KCTD12: variants seen among roughly 807,000 people sequenced by gnomAD.
KCTD12 encodes BTB/POZ domain-containing protein KCTD12.
A neutral mutation model predicts 22.6 loss-of-function variants in KCTD12; 16 were observed. The ratio of observed to expected loss-of-function variants is 0.71; its 90% CI spans 0.48 to 1.07. The LOEUF is 1.07. Among genes scored for constraint, KCTD12 ranks in the 50% least tolerant of loss-of-function variants. The pLI, the probability that KCTD12 is intolerant of heterozygous loss-of-function variation, is 0.00. For missense variants in KCTD12, 452 were observed against 469.2 expected (o/e 0.96, Z 0.34); for synonymous variants, 260 against 228.0 (o/e 1.14, Z -1.26).
At position 76,885,708 on chromosome 13, in the gene KCTD12, G is replaced by A. The variant is rs891246876; in HGVS notation, c.441C>T (p.His147=). The change falls in exon 1 of 1, where the codon CAC becomes CAT. Residue 147 remains histidine (H), a synonymous_variant. Transcript: ENST00000377474. The surrounding 1 kb of genome is among the most constrained non-coding windows in gnomAD (Gnocchi z 5.1). The part of the protein sequence containing the change: ...PGPPPSRRGV[H]KEGSLGDELL... ...GCTCGTCACCCAGCGAGCCCTCCTTGTGCACCCCGCGCCGCGAGGGCGGCG... is the reference window on the plus strand; with the variant it reads ...GCTCGTCACCCAGCGAGCCCTCCTTATGCACCCCGCGCCGCGAGGGCGGCG... 3 of 1,414,402 alleles carry A rather than the reference G, an allele frequency of 2.1e-6. 1 individual carries two copies. Among genetic ancestry groups the A allele is most frequent in the South Asian group, 3.1e-5 (2 of 63,882 alleles). 87.6% of individuals were successfully genotyped at this position (1,414,402 alleles called of 1,614,324 possible).
Position 76,883,144 on chromosome 13 carries a change from T to C in KCTD12, c.*2027A>G, listed in dbSNP as rs1225529788. The C allele has an allele frequency of 3.3e-5, 5 of 152,330 alleles. No homozygotes were observed. The South Asian group carries it at 1.0e-3, about 32-fold the overall frequency. 9.4% of individuals were successfully genotyped at this position (152,330 alleles called of 1,614,324 possible). A position where few individuals can be genotyped will look rare whatever the true frequency, so the allele number is the denominator to read the frequency against. On this transcript the variant is annotated 3_prime_UTR_variant, in exon 1 of 1. Coordinates refer to ENST00000377474, the MANE Select transcript of KCTD12 (RefSeq NM_138444.4). Reference sequence around the variant, plus strand: ...AATATAGGAAATTTTATAGCATTAGTAAATGAATTAAAAAACTAAATGATT... The same window carrying C: ...AATATAGGAAATTTTATAGCATTAGCAAATGAATTAAAAAACTAAATGATT...
In KCTD12 at chr13:76,886,158, G is replaced by C. The variant is rs377739279; in HGVS notation, c.-10C>G. On this transcript the variant is annotated 5_prime_UTR_variant, in exon 1 of 1. Transcript: ENST00000377474. ...TGTCCGCCAGAGCCATGACAGAGAG[G>C]TGGCCGGGCCGGGACAGTGGCAGGA... The C allele has an allele frequency of 2.2e-5, 33 of 1,486,886 alleles. No homozygotes were observed. In the African/African-American group the frequency reaches 2.6e-4, roughly 12 times the overall value. 92.1% of individuals were successfully genotyped at this position (1,486,886 alleles called of 1,614,324 possible).
In KCTD12 at chr13:76,886,072, G is replaced by A; in HGVS notation, c.77C>T (p.Ser26Phe). Reference protein sequence around the residue: ...GGGGSGSSSSSAEPPLFPDIV... With the variant: ...GGGGSGSSSSFAEPPLFPDIV... ...GTCGGGGAAGAGCGGTGGCTCCGCG[G>A]AGGACGACGAGGAGCCACTGCCGCC... The change falls in exon 1 of 1, where the codon TCC becomes TTC. Residue 26 changes from serine to phenylalanine, a missense_variant. Ser to Phe is a radical substitution (Grantham distance 155). This residue lies in a region of KCTD12 where 330 missense variants were observed against 296.5 expected (regional missense o/e 1.11). Transcript: ENST00000377474. 2.6e-6 allele frequency: 4 copies of A among 1,557,008 alleles called. No individual in the cohort carries two copies. Among genetic ancestry groups the A allele is most frequent in the East Asian group, 2.4e-5 (1 of 41,370 alleles).
In KCTD12 at chr13:76,885,061, G is replaced by C; in HGVS notation, c.*110C>G. 8.0e-7 allele frequency: 1 copy of C among 1,250,686 alleles called. No homozygotes were observed. Among genetic ancestry groups the C allele is most frequent in the Non-Finnish European group, 1.1e-6 (1 of 904,610 alleles). The allele number at this position is 1,250,686 out of a possible 1,614,324, so 77.5% of individuals were successfully genotyped here. A position where few individuals can be genotyped will look rare whatever the true frequency, so the allele number is the denominator to read the frequency against. ...TCTCACCCAGCTACTACTGGAGGGG[G>C]AGAATGGGAGGGCAGCAGCCAGGGG... On this transcript the variant is annotated 3_prime_UTR_variant, in exon 1 of 1. Transcript: ENST00000377474. This position sits in a 1 kb window ranked among gnomAD's most constrained non-coding sequence, Gnocchi z 5.1.
rs956975982 is a variant in KCTD12 at position 76,882,978 on chromosome 13, T to G, written c.*2193A>C. 3.3e-5 allele frequency: 5 copies of G among 152,188 alleles called. No homozygotes were observed. The highest frequency in any genetic ancestry group is 6.5e-5 in the Admixed American group (1 of 15,286). 9.4% of individuals were successfully genotyped at this position (152,188 alleles called of 1,614,324 possible). A position where few individuals can be genotyped will look rare whatever the true frequency, so the allele number is the denominator to read the frequency against. ...ATATGATTAGTAATACAACTAATAC[T>G]CAAGAAAAAAAGTATAATACAGCAA... On this transcript the variant is annotated 3_prime_UTR_variant, in exon 1 of 1. Coordinates refer to ENST00000377474, the MANE Select transcript of KCTD12 (RefSeq NM_138444.4).
Position 76,885,093 on chromosome 13 carries a change from G to C in KCTD12, c.*78C>G, listed in dbSNP as rs1188140093. The C allele has an allele frequency of 6.6e-7, 1 of 1,509,708 alleles. No homozygotes were observed. Among genetic ancestry groups the C allele is most frequent in the East Asian group, 2.3e-5 (1 of 43,936 alleles). The allele number at this position is 1,509,708 out of a possible 1,614,324, so 93.5% of individuals were successfully genotyped here. ...GGAGGGCAGCAGCCAGGGGACAAAG[G>C]TGGGACAAGAGGCTCTGTAATCATC... On this transcript the variant is annotated 3_prime_UTR_variant, in exon 1 of 1. Transcript: ENST00000377474. The surrounding 1 kb of genome is among the most constrained non-coding windows in gnomAD (Gnocchi z 5.1).
At position 76,886,107 on chromosome 13, in the gene KCTD12, G is replaced by A. The variant is rs1023414276; in HGVS notation, c.42C>T (p.Gly14=). 2.1e-5 allele frequency: 32 copies of A among 1,540,210 alleles called. No individual in the cohort carries two copies. Among genetic ancestry groups the A allele is most frequent in the Non-Finnish European group, 2.5e-5 (29 of 1,143,908 alleles). ...ADSTRGLPNG[G]GGGGGSGSSS... Reference sequence around the variant, plus strand: ...AGGAGCCACTGCCGCCCCCGCCGCCGCCCCCGTTGGGTAATCCACGTGTGC... The same window carrying A: ...AGGAGCCACTGCCGCCCCCGCCGCCACCCCCGTTGGGTAATCCACGTGTGC... Residue 14 remains glycine (G), a synonymous_variant, in exon 1 of 1, where the codon GGC becomes GGT. Coordinates refer to ENST00000377474, the MANE Select transcript of KCTD12 (RefSeq NM_138444.4).
chr13:76,881,051 T>C lies in KCTD12; in HGVS notation c.*4120A>G, dbSNP rs924565646. ...CTTCAACATAACTTGTTTCTGGCTA[T>C]ACAAAGACCTATTTCAGGTGCTACA... On this transcript the variant is annotated 3_prime_UTR_variant, in exon 1 of 1. Coordinates refer to ENST00000377474, the MANE Select transcript of KCTD12 (RefSeq NM_138444.4). The C allele has an allele frequency of 2.0e-5, 3 of 152,192 alleles. No individual in the cohort carries two copies. The highest frequency in any genetic ancestry group is 2.1e-4 in the South Asian group (1 of 4,828). 9.4% of individuals were successfully genotyped at this position (152,192 alleles called of 1,614,324 possible).
Position 76,885,974 on chromosome 13 carries a change from G to A in KCTD12, c.175C>T (p.Leu59=), listed in dbSNP as rs749431602. The A allele has an allele frequency of 1.3e-6, 2 of 1,589,006 alleles. No individual in the cohort carries two copies. The highest frequency in any genetic ancestry group is 1.7e-6 in the Non-Finnish European group (2 of 1,174,606). Residue 59 remains leucine, a synonymous_variant, in exon 1 of 1, where the codon CTG becomes TTG. Coordinates refer to ENST00000377474, the MANE Select transcript of KCTD12 (RefSeq NM_138444.4). The surrounding 1 kb of genome is among the most constrained non-coding windows in gnomAD (Gnocchi z 5.1). ...RCTVVSVPDS[L]LWRMFTQQQP... ...TGCTGCGTGAACATGCGCCAGAGCA[G>A]CGAGTCGGGCACCGACACCACCGTG...
rs960238563 is a variant in KCTD12, at chr13:76,880,241, T to C, written c.*4930A>G. The C allele has an allele frequency of 6.6e-6, 1 of 152,662 alleles. No individual in the cohort carries two copies. Among genetic ancestry groups the C allele is most frequent in the African/African-American group, 2.4e-5 (1 of 41,454 alleles). The allele number at this position is 152,662 out of a possible 1,614,324, so 9.5% of individuals were successfully genotyped here. A position where few individuals can be genotyped will look rare whatever the true frequency, so the allele number is the denominator to read the frequency against. On this transcript the variant is annotated 3_prime_UTR_variant, in exon 1 of 1. Coordinates refer to ENST00000377474, the MANE Select transcript of KCTD12 (RefSeq NM_138444.4). ...ACATAACAAGTCACATAATCAATGA[T>C]TCATTACTTCACACACAGGAAGGAA...
rs2033225749 is a variant in KCTD12 at position 76,883,425 on chromosome 13, A to C, written c.*1746T>G. On this transcript the variant is annotated 3_prime_UTR_variant, in exon 1 of 1. Transcript: ENST00000377474. Reference sequence around the variant, plus strand: ...TCACAGAATATCCAAAGGACACCTCACAGCATGGAGCATGACGAGGTTTAT... The same window carrying C: ...TCACAGAATATCCAAAGGACACCTCCCAGCATGGAGCATGACGAGGTTTAT... 1 of 152,684 alleles carries C rather than the reference A, an allele frequency of 6.5e-6. No homozygotes were observed. The highest frequency in any genetic ancestry group is 6.5e-5 in the Admixed American group (1 of 15,284). 9.5% of individuals were successfully genotyped at this position (152,684 alleles called of 1,614,324 possible).
chr13:76,885,402 A>C lies in KCTD12; in HGVS notation c.747T>G (p.Phe249Leu). ...CCCGGCTTTCGTTCAGGGTGTCCCCAAACACCTCCTTGGCCAGCGACGTCT... is the reference window on the plus strand; with the variant it reads ...CCCGGCTTTCGTTCAGGGTGTCCCCCAACACCTCCTTGGCCAGCGACGTCT... ...CGKTSLAKEV[F>L]GDTLNESRDP... Residue 249 changes from phenylalanine to leucine, a missense_variant, in exon 1 of 1, where the codon TTT (phenylalanine) becomes TTG (leucine). By Grantham distance (22) the Phe-to-Leu change is conservative. Coordinates refer to ENST00000377474, the MANE Select transcript of KCTD12 (RefSeq NM_138444.4). This position sits in a 1 kb window ranked among gnomAD's most constrained non-coding sequence, Gnocchi z 5.1. 6.2e-7 allele frequency: 1 copy of C among 1,613,760 alleles called. No homozygotes were observed. The highest frequency in any genetic ancestry group is 2.2e-5 in the East Asian group (1 of 44,876).
rs1057500513 is a variant in KCTD12 at position 76,886,340 on chromosome 13, C to A, written c.-192G>T. 22 of 462,562 alleles carry A rather than the reference C, an allele frequency of 4.8e-5. No individual in the cohort carries two copies. The highest frequency in any genetic ancestry group is 6.8e-5 in the Non-Finnish European group (21 of 310,780). The allele number at this position is 462,562 out of a possible 1,614,324, so 28.7% of individuals were successfully genotyped here. A position where few individuals can be genotyped will look rare whatever the true frequency, so the allele number is the denominator to read the frequency against. On this transcript the variant is annotated 5_prime_UTR_variant, in exon 1 of 1. Transcript: ENST00000377474. ...CGCGCGGAGCCGAGCGGTGCGAGCG[C>A]GCCGCTGTGCGCCCCCTTGAGTTCC... is the stretch of plus-strand genomic sequence containing the variant.
rs75404088 is a variant in KCTD12 at position 76,883,873 on chromosome 13, C to G, written c.*1298G>C. 1,170 of 152,586 alleles carry G rather than the reference C, an allele frequency of 7.7e-3. 90 individuals are homozygous for G. In the East Asian group the frequency reaches 0.16, roughly 21 times the overall value. The allele number at this position is 152,586 out of a possible 1,614,324, so 9.5% of individuals were successfully genotyped here. A position where few individuals can be genotyped will look rare whatever the true frequency, so the allele number is the denominator to read the frequency against. ...TTCCAAAATCAGGATTTATAATCAACAAGAAAATAAAAGTTCAAAAACTAA... is the reference window on the plus strand; with the variant it reads ...TTCCAAAATCAGGATTTATAATCAAGAAGAAAATAAAAGTTCAAAAACTAA... On this transcript the variant is annotated 3_prime_UTR_variant, in exon 1 of 1. Transcript: ENST00000377474.
Position 76,880,842 on chromosome 13 carries a change from C to CA in KCTD12, c.*4328dup, listed in dbSNP as rs2033195437. 1 of 152,546 alleles carries CA rather than the reference C, an allele frequency of 6.6e-6. No homozygotes were observed. Among genetic ancestry groups the CA allele is most frequent in the Non-Finnish European group, 1.5e-5 (1 of 67,976 alleles). The allele number at this position is 152,546 out of a possible 1,614,324, so 9.4% of individuals were successfully genotyped here. The stretch of plus-strand genomic sequence containing the variant: ...AAAAAACTGGCTTGGAAAAAAATCA[C>CA]AAAAAATTTAAGTGACAACAAATCT... On this transcript the variant is annotated 3_prime_UTR_variant, in exon 1 of 1. Transcript: ENST00000377474.
Position 76,886,273 on chromosome 13 carries a change from G to GCCGCCA in KCTD12, c.-131_-126dup, listed in dbSNP as rs1555308957. 1.1e-4 allele frequency: 113 copies of GCCGCCA among 1,069,604 alleles called. No homozygotes were observed. The highest frequency in any genetic ancestry group is 3.3e-4 in the Middle Eastern group (1 of 2,998). The allele number at this position is 1,069,604 out of a possible 1,614,324, so 66.3% of individuals were successfully genotyped here. A position where few individuals can be genotyped will look rare whatever the true frequency, so the allele number is the denominator to read the frequency against. Reference sequence around the variant, plus strand: ...AGCCCTGCGCCCCGCCGCCGCCGCCGCCGCCACCGCCGCCACCGCCACCGC... The same window carrying GCCGCCA: ...AGCCCTGCGCCCCGCCGCCGCCGCCGCCGCCACCGCCACCGCCGCCACCGCCACCGC... On this transcript the variant is annotated 5_prime_UTR_variant, in exon 1 of 1. Transcript: ENST00000377474.
At position 76,880,730 on chromosome 13, in the gene KCTD12, T is replaced by C. The variant is rs1235205558; in HGVS notation, c.*4441A>G. On this transcript the variant is annotated 3_prime_UTR_variant, in exon 1 of 1. Transcript: ENST00000377474. ...TGTATTCAATAGTAATAGCAAAATT[T>C]ACCTGCCTATAAAGTCGCAAAAACA... 2 of 152,606 alleles carry C rather than the reference T, an allele frequency of 1.3e-5. No homozygotes were observed. Among genetic ancestry groups the C allele is most frequent in the Non-Finnish European group, 2.9e-5 (2 of 67,996 alleles). The allele number at this position is 152,606 out of a possible 1,614,324, so 9.5% of individuals were successfully genotyped here.
At position 76,885,953 on chromosome 13, in the gene KCTD12, G is replaced by A; in HGVS notation, c.196C>T (p.Gln66Ter). The A allele has an allele frequency of 6.3e-7, 1 of 1,589,970 alleles. No homozygotes were observed. Among genetic ancestry groups the A allele is most frequent in the African/African-American group, 1.3e-5 (1 of 74,476 alleles). ...PDSLLWRMFT[Q>*]QQPQELARDS... Reference sequence around the variant, plus strand: ...CGGGCCAGCTCCTGCGGCTGCTGCTGCGTGAACATGCGCCAGAGCAGCGAG... The same window carrying A: ...CGGGCCAGCTCCTGCGGCTGCTGCTACGTGAACATGCGCCAGAGCAGCGAG... Residue 66 changes from glutamine (Q) to a stop codon, truncating the protein, a stop_gained, in exon 1 of 1, where the codon CAG becomes TAG. Transcript: ENST00000377474. LOFTEE classifies it high-confidence loss of function. The surrounding 1 kb of genome is among the most constrained non-coding windows in gnomAD (Gnocchi z 5.1).
Position 76,885,078 on chromosome 13 carries a change from A to G in KCTD12, c.*93T>C. 7.0e-7 allele frequency: 1 copy of G among 1,425,308 alleles called. No homozygotes were observed. Among genetic ancestry groups the G allele is most frequent in the South Asian group, 1.4e-5 (1 of 73,472 alleles). 88.3% of individuals were successfully genotyped at this position (1,425,308 alleles called of 1,614,324 possible). On this transcript the variant is annotated 3_prime_UTR_variant, in exon 1 of 1. Coordinates refer to ENST00000377474, the MANE Select transcript of KCTD12 (RefSeq NM_138444.4). This position sits in a 1 kb window ranked among gnomAD's most constrained non-coding sequence, Gnocchi z 5.1. ...TGGAGGGGGAGAATGGGAGGGCAGC[A>G]GCCAGGGGACAAAGGTGGGACAAGA...
Sources: allele counts gnomAD v4.1 joint callset, GRCh38; gene constraint gnomAD v4.1.1; regional missense constraint gnomAD v4.1.1; non-coding constraint Gnocchi (gnomAD v3.1); transcripts MANE v1.5; gene names NCBI Gene and HGNC (gene_info 2026-07-23, HGNC 2026-07-21).